Variants in LRBA observed in about 807,000 individuals in gnomAD.
The protein encoded by LRBA is LPS responsive beige-like anchor protein.
Under a neutral mutation model 330.0 loss-of-function variants are expected in LRBA, and 176 were observed. The observed-to-expected ratio is 0.53, with a 90% CI of 0.47 to 0.60. The LOEUF is 0.60. Ranked by LOEUF, LRBA falls within the 20% of genes least tolerant of loss-of-function variation. LRBA has a pLI of 0.00. For synonymous variants in LRBA, 1,230 were observed against 1,193.0 expected, an observed-to-expected ratio of 1.03 and a Z score of -0.64; for missense variants, 3,259 against 3,444.8, an observed-to-expected ratio of 0.95 and a Z score of 1.35.
intron 37 of LRBA, among the ~76,000 whole-genome samples, chr4:150,647,411 G>A (rs147773767): frequency 2.4e-5 from 3 of 126,624 alleles, no homozygotes; most frequent in East Asian, 2.4e-4. Flanking sequence ...AGACTAGAGT[G>A]TGCAAGGCAT....
At chr4:150,345,622 G>T (rs566232636) in intron 48 of LRBA, among the ~76,000 whole-genome samples, 1 of 152,086 alleles carries the variant, frequency 6.6e-6, no homozygotes, top group Non-Finnish European at 1.5e-5. Flanking sequence ...GGGCATTATC[G>T]TATGACTTCT....
In LRBA at chr4:150,264,548, C is replaced by G. The variant is rs1403271454; in HGVS notation, c.*1174G>C. On this transcript the variant is annotated 3_prime_UTR_variant, in exon 57 of 57. Coordinates refer to ENST00000651943, the MANE Select transcript of LRBA (RefSeq NM_001364905.1). ...CAGATGCCATTTTATTCAGCTTTTT[C>G]TGTCAAACTGAATTGTTCATTCCAA... 1 of 152,174 alleles carries G rather than the reference C, an allele frequency of 6.6e-6. No homozygotes were observed. Among genetic ancestry groups the G allele is most frequent in the Non-Finnish European group, 1.5e-5 (1 of 68,016 alleles). The allele number at this position is 152,174 out of a possible 1,614,324, so 9.4% of individuals were successfully genotyped here.
At chr4:150,400,272 A>T (rs985563942) in intron 47 of LRBA, among the ~76,000 whole-genome samples, 2 of 152,198 alleles carry the variant, frequency 1.3e-5, no homozygotes, top group Non-Finnish European at 2.9e-5. Context: ...CAATTTATAA[A>T]TATCTTCATA....
chr4:150,676,354 C>T (rs1782557683), intron 37 of LRBA, among the ~76,000 whole-genome samples: 1 of 152,100 alleles, frequency 6.6e-6, no homozygotes, highest in Non-Finnish European at 1.5e-5. Context: ...TTTCACTTTT[C>T]TATTTCCCCT....
chr4:150,299,442 A>T (rs1729371798), intron 53 of LRBA, among the ~76,000 whole-genome samples: 1 of 151,986 alleles, frequency 6.6e-6, no homozygotes, highest in African/African-American at 2.4e-5. Flanking sequence ...AAACATTTAC[A>T]CTTTTTAAAG....
chr4:150,420,274 T>C (rs1187065472), intron 46 of LRBA, among the ~76,000 whole-genome samples: 1 of 135,250 alleles, frequency 7.4e-6, no homozygotes, highest in Non-Finnish European at 1.6e-5. Flanking sequence ...ATGGTATATA[T>C]ATAAAGTATA....
chr4:150,367,635 C>T (rs1356474904), intron 47 of LRBA, among the ~76,000 whole-genome samples: 2 of 152,184 alleles, frequency 1.3e-5, no homozygotes, highest in Non-Finnish European at 2.9e-5. Flanking sequence ...CAGCTTTACA[C>T]CTTTGGGCAT....
chr4:150,905,324 A>G lies in LRBA; in HGVS notation c.1755+514T>C, dbSNP rs183678340. On this transcript the variant is annotated intron_variant, in intron 13 of 56. Transcript: ENST00000651943. Reference sequence around the variant, plus strand: ...AGTGGTACCTATAAGAATGAAACTCAGTAGTTCATCATGTTGGAAGGCAAA... The same window carrying G: ...AGTGGTACCTATAAGAATGAAACTCGGTAGTTCATCATGTTGGAAGGCAAA... Among the ~76,000 whole-genome samples, 6 of 152,270 alleles carry G rather than the reference A, an allele frequency of 3.9e-5. No homozygotes were observed. The East Asian group carries it at 5.8e-4, about 15-fold the overall frequency.
At chr4:150,452,408 G>A (rs1263665336) in intron 44 of LRBA, among the ~76,000 whole-genome samples, 1 of 152,140 alleles carries the variant, frequency 6.6e-6, no homozygotes, top group African/African-American at 2.4e-5. Context: ...CGGATCACAA[G>A]GTCAGGAGAT....
chr4:150,559,841 T>C (rs1238880384), intron 40 of LRBA, among the ~76,000 whole-genome samples: 1 of 75,158 alleles, frequency 1.3e-5, no homozygotes, highest in Non-Finnish European at 2.4e-5. Context: ...AAATATAATA[T>C]ATATAATAAT....
chr4:150,458,833 T>A (rs1211936879), intron 44 of LRBA, among the ~76,000 whole-genome samples: 1 of 151,886 alleles, frequency 6.6e-6, no homozygotes. Context: ...TGCCTCTGTT[T>A]CTTCTGGTTT....
intron 40 of LRBA, chr4:150,584,255 GA>G (rs1211580143): frequency 2.2e-6 from 2 of 903,842 alleles, no homozygotes; most frequent in Admixed American, 7.1e-5. Flanking sequence ...CATTAATTAA[GA>G]AGCAAACAAA....
intron 17 of LRBA, among the ~76,000 whole-genome samples, chr4:150,888,976 A>G (rs113787895): frequency 2.6e-5 from 4 of 152,294 alleles, no homozygotes; most frequent in South Asian, 2.1e-4. Flanking sequence ...TATTCATGCA[A>G]TTATGGAGGC....
intron 48 of LRBA, among the ~76,000 whole-genome samples, chr4:150,338,433 A>G (rs1735031613): frequency 6.6e-6 from 1 of 152,232 alleles, no homozygotes; most frequent in South Asian, 2.1e-4. Flanking sequence ...GTACAAGATG[A>G]AAAAGCACAG....
chr4:150,663,936 A>G (rs1781348571), intron 37 of LRBA, among the ~76,000 whole-genome samples: 1 of 152,234 alleles, frequency 6.6e-6, no homozygotes, highest in African/African-American at 2.4e-5. Flanking sequence ...CTCACCAAGA[A>G]GATAACATGG....
intron 41 of LRBA, 101 bp from the exon 42 acceptor site, chr4:150,487,935 T>C (rs928837827): frequency 1.9e-6 from 1 of 530,384 alleles, no homozygotes; most frequent in African/African-American, 1.9e-5. Flanking sequence ...TTCAGGTATC[T>C]ATTAAATACA....
rs1408897913 is a variant in LRBA at position 150,806,415 on chromosome 4, G to T, written c.5385-11C>A. 2 of 1,571,292 alleles carry T rather than the reference G, an allele frequency of 1.3e-6. No homozygotes were observed. The highest frequency in any genetic ancestry group is 1.4e-5 in the African/African-American group (1 of 72,230). ...AGCCTCTCTGTAATACTAAGGAAAA[G>T]ACATTAAGTTACTTGAACTATTCAA... On this transcript the variant is annotated splice_polypyrimidine_tract_variant and intron_variant, in intron 32 of 56. Coordinates refer to ENST00000651943, the MANE Select transcript of LRBA (RefSeq NM_001364905.1).
intron 40 of LRBA, chr4:150,579,800 G>A (rs973088446): frequency 1.1e-5 from 5 of 446,464 alleles, no homozygotes; most frequent in Non-Finnish European, 2.3e-5. Flanking sequence ...CGCCACCCCT[G>A]AGGCTGTTTG....
intron 36 of LRBA, among the ~76,000 whole-genome samples, chr4:150,717,923 T>C (rs947844056): frequency 6.6e-6 from 1 of 151,904 alleles, no homozygotes; most frequent in Non-Finnish European, 1.5e-5. Flanking sequence ...GAAAAATCAT[T>C]AAGTGATAAT....
Sources: allele counts gnomAD v4.1 joint callset (sites outside exome capture counted in the v4.1 genomes callset), GRCh38; gene constraint gnomAD v4.1.1; transcripts MANE v1.5; gene names NCBI Gene and HGNC (gene_info 2026-07-23, HGNC 2026-07-21).